The following SFXN5 variants were observed in gnomAD, a reference collection of about 807,000 sequenced individuals.
SFXN5 encodes sideroflexin-5.
A neutral mutation model predicts 50.2 loss-of-function variants in SFXN5; 43 were observed. The ratio of observed to expected loss-of-function variants is 0.86; its 90% confidence interval spans 0.67 to 1.11. The LOEUF is 1.11. Ranked by LOEUF, SFXN5 falls within the 50% of genes least tolerant of loss-of-function variation. SFXN5 has a pLI of 0.00. For synonymous variants in SFXN5, 203 were observed against 185.8 expected (o/e 1.09, Z -0.75); for missense variants, 463 against 454.1 (o/e 1.02, Z -0.18).
chr2:72,961,056 G>T lies in SFXN5; in HGVS notation c.945+75C>A. On this transcript the variant is annotated intron_variant, in intron 13 of 13. Transcript: ENST00000272433. The surrounding 1 kb of genome is among the most constrained non-coding windows in gnomAD (Gnocchi z 4.4). Reference sequence around the variant, plus strand: ...TAGCATGGCGCTAAGGAGTCGGCACGGTATGAGTATTTGTTCAGAAATCAC... The same window carrying T: ...TAGCATGGCGCTAAGGAGTCGGCACTGTATGAGTATTTGTTCAGAAATCAC... 9.2e-7 allele frequency: 1 copy of T among 1,083,050 alleles called. No individual in the cohort carries two copies. The highest frequency in any genetic ancestry group is 1.3e-6 in the Non-Finnish European group (1 of 778,874). 67.1% of individuals were successfully genotyped at this position (1,083,050 alleles called of 1,614,324 possible). A position where few individuals can be genotyped will look rare whatever the true frequency, so the allele number is the denominator to read the frequency against.
intron 12 of SFXN5, among the ~76,000 whole-genome samples, chr2:72,964,266 G>T (rs1313261063): frequency 6.6e-6 from 1 of 152,218 alleles, no homozygotes; most frequent in Non-Finnish European, 1.5e-5. Flanking sequence ...TTCCTTGGCT[G>T]TCCTGACTCC....
chr2:73,054,302 C>CT (rs1681798357), intron 2 of SFXN5, among the ~76,000 whole-genome samples: 1 of 152,136 alleles, frequency 6.6e-6, no homozygotes, highest in East Asian at 1.9e-4. Flanking sequence ...GAAAAATACT[C>CT]TAAAATTGGA....
chr2:73,065,494 G>A (rs550283151), intron 1 of SFXN5, among the ~76,000 whole-genome samples: 6 of 152,188 alleles, frequency 3.9e-5, no homozygotes, highest in South Asian at 2.1e-4. Context: ...TCTGCCTCCC[G>A]GGTTCAAGCA....
intron 12 of SFXN5, among the ~76,000 whole-genome samples, chr2:72,966,047 CCCCCAGGGTGGAAA>C (rs1294868897): frequency 1.3e-5 from 2 of 152,150 alleles, no homozygotes; most frequent in South Asian, 2.1e-4. Flanking sequence ...AAGCTGATGT[CCCCCAGGGTGGAAA>C]CCCCAGGGTG....
At chr2:73,032,639 G>C (rs914715258) in intron 3 of SFXN5, among the ~76,000 whole-genome samples, 2 of 152,176 alleles carry the variant, frequency 1.3e-5, no homozygotes, top group African/African-American at 4.8e-5. Flanking sequence ...AGAGGGAGGA[G>C]GAACAGCCCA....
At chr2:72,957,137 A>G (rs890183361) in intron 13 of SFXN5, 1 of 447,124 alleles carries the variant, frequency 2.2e-6, no homozygotes, top group Non-Finnish European at 4.5e-6. Flanking sequence ...CTCAGCTTCA[A>G]CTCCCCCCCA....
At chr2:73,056,579 G>A (rs748271140) in intron 2 of SFXN5, among the ~76,000 whole-genome samples, 3 of 151,656 alleles carry the variant, frequency 2.0e-5, no homozygotes, top group South Asian at 2.1e-4. Context: ...CAGCTACTTC[G>A]AAGGCTGAGG....
At chr2:73,024,302 G>A (rs1194118950) in intron 3 of SFXN5, among the ~76,000 whole-genome samples, 2 of 152,152 alleles carry the variant, frequency 1.3e-5, no homozygotes, top group African/African-American at 2.4e-5. Context: ...GATTACAGGT[G>A]TGAGCCACCA....
intron 10 of SFXN5, among the ~76,000 whole-genome samples, chr2:72,978,004 G>GAA (rs60752756): frequency 7.8e-6 from 1 of 127,470 alleles, no homozygotes; most frequent in South Asian, 2.6e-4. Context: ...AAAGAATAAG[G>GAA]AAAAAAAAAA....
In SFXN5 at chr2:73,040,869, C is replaced by T; in HGVS notation, c.234G>A (p.Gly78=). 1 of 1,612,578 alleles carries T rather than the reference C, an allele frequency of 6.2e-7. No homozygotes were observed. ...EDYKHGTLRP[G]VTNEQLWSAQ... ...ACAGAGTTACCTGTTCATTGGTGAC[C>T]CCCGGGCGCAGGGTCCCATGCTTAT... Residue 78 remains glycine, a synonymous_variant, in exon 3 of 14, where the codon GGG becomes GGA. Coordinates refer to ENST00000272433, the MANE Select transcript of SFXN5 (RefSeq NM_144579.3).
intron 13 of SFXN5, among the ~76,000 whole-genome samples, chr2:72,947,344 G>A (rs532258740): frequency 3.3e-5 from 5 of 152,328 alleles, no homozygotes; most frequent in Middle Eastern, 3.4e-3. Flanking sequence ...CATCAGCCCC[G>A]ATGTTGGGCT....
intron 5 of SFXN5, 32 bp from the exon 6 acceptor site, chr2:73,020,296 T>G: frequency 2.5e-6 from 4 of 1,613,208 alleles, no homozygotes; most frequent in Non-Finnish European, 3.4e-6. Flanking sequence ...TCAGGCCTTA[T>G]AATCCACTCA....
intron 9 of SFXN5, among the ~76,000 whole-genome samples, chr2:72,988,781 T>C (rs973383504): frequency 3.9e-5 from 6 of 152,120 alleles, no homozygotes; most frequent in African/African-American, 1.4e-4. Context: ...TGAAACCCCA[T>C]GGTACATGCA....
At position 72,973,391 on chromosome 2, in the gene SFXN5, T is replaced by G. The variant is rs986985525; in HGVS notation, c.626-1706A>C. 5.9e-6 allele frequency: 1 copy of G among 169,140 alleles called. No homozygotes were observed. The highest frequency in any genetic ancestry group is 2.4e-5 in the African/African-American group (1 of 41,484). The allele number at this position is 169,140 out of a possible 1,614,324, so 10.5% of individuals were successfully genotyped here. The stretch of plus-strand genomic sequence containing the variant: ...TGGCCATGTTTGAGGGCATTTTCAG[T>G]GATTGTGATCTAGGGGTCAGGGGTT... On this transcript the variant is annotated intron_variant, in intron 10 of 13. Coordinates refer to ENST00000272433, the MANE Select transcript of SFXN5 (RefSeq NM_144579.3). The surrounding 1 kb of genome is among the most constrained non-coding windows in gnomAD (Gnocchi z 5.5).
intron 6 of SFXN5, among the ~76,000 whole-genome samples, chr2:73,018,220 AAAAG>A (rs1465718063): frequency 6.6e-6 from 1 of 151,924 alleles, no homozygotes. Context: ...AAAAGAAAGA[AAAAG>A]GAAGGAAGGA....
chr2:72,961,019 A>C lies in SFXN5; in HGVS notation c.945+112T>G, dbSNP rs1003737112. 10 of 717,754 alleles carry C rather than the reference A, an allele frequency of 1.4e-5. No individual in the cohort carries two copies. The highest frequency in any genetic ancestry group is 1.9e-5 in the Non-Finnish European group (9 of 478,032). 44.5% of individuals were successfully genotyped at this position (717,754 alleles called of 1,614,324 possible). A position where few individuals can be genotyped will look rare whatever the true frequency, so the allele number is the denominator to read the frequency against. On this transcript the variant is annotated intron_variant, in intron 13 of 13. Coordinates refer to ENST00000272433, the MANE Select transcript of SFXN5 (RefSeq NM_144579.3). This position sits in a 1 kb window ranked among gnomAD's most constrained non-coding sequence, Gnocchi z 4.4. ...CTGGGCCAGCCTCATTCACGGTTCC[A>C]GCCCCAGCGCCTAGCATGGCGCTAA...
intron 4 of SFXN5, among the ~76,000 whole-genome samples, chr2:73,022,782 C>G (rs1479093325): frequency 6.6e-6 from 1 of 152,144 alleles, no homozygotes; most frequent in Non-Finnish European, 1.5e-5. Context: ...CAAAAGAATA[C>G]CAAACCATGG....
chr2:73,063,638 A>G (rs952585526), intron 1 of SFXN5, among the ~76,000 whole-genome samples: 4 of 152,182 alleles, frequency 2.6e-5, no homozygotes, highest in African/African-American at 9.7e-5. Context: ...GCCAATCAAG[A>G]GGTAGATGGT....
intron 9 of SFXN5, among the ~76,000 whole-genome samples, chr2:72,989,820 C>G (rs1176526535): frequency 6.6e-6 from 1 of 152,206 alleles, no homozygotes; most frequent in Non-Finnish European, 1.5e-5. Context: ...CCTCTGCTTC[C>G]CCAGACAGAG....
Sources: allele counts gnomAD v4.1 joint callset (sites outside exome capture counted in the v4.1 genomes callset), GRCh38; gene constraint gnomAD v4.1.1; non-coding constraint Gnocchi (gnomAD v3.1); transcripts MANE v1.5; gene names NCBI Gene and HGNC (gene_info 2026-07-23, HGNC 2026-07-21).